HTT: variants seen among roughly 807,000 people sequenced by gnomAD.
HTT encodes huntingtin, also known as huntington disease protein.
A neutral mutation model predicts 362.3 loss-of-function variants in HTT; 104 were observed. The ratio of observed to expected loss-of-function variants is 0.29; its 90% CI spans 0.24 to 0.34. HTT has a LOEUF of 0.34. Ranked by LOEUF, HTT falls within the 10% of genes least tolerant of loss-of-function variation. HTT has a pLI of 1.00. For synonymous variants in HTT, 1,577 were observed against 1,548.7 expected (o/e 1.02, Z -0.43); for missense variants, 3,301 against 3,928.6 (o/e 0.84, Z 4.27).
Position 3,207,364 on chromosome 4 carries a change from C to G in HTT, c.6152+7C>G. 6.2e-7 allele frequency: 1 copy of G among 1,607,784 alleles called. No individual in the cohort carries two copies. Among genetic ancestry groups the G allele is most frequent in the Non-Finnish European group, 8.5e-7 (1 of 1,176,020 alleles). On this transcript the variant is annotated splice_region_variant and intron_variant, in intron 45 of 66. Transcript: ENST00000355072. ...GCAGCGGGCTCGCTCAGAGGTAATG[C>G]TGGAAACACAGGTCGTCCTTGTGTT...
At chr4:3,149,555 G>T (rs1395271468) in intron 26 of HTT, among the ~76,000 whole-genome samples, 1 of 151,528 alleles carries the variant, frequency 6.6e-6, no homozygotes, top group Non-Finnish European at 1.5e-5. Flanking sequence ...TGATCTATCC[G>T]CTTCGGCCTC....
In HTT at chr4:3,125,565, A is replaced by G; in HGVS notation, c.1338A>G (p.Gly446=). 1 of 1,613,394 alleles carries G rather than the reference A, an allele frequency of 6.2e-7. No individual in the cohort carries two copies. Among genetic ancestry groups the G allele is most frequent in the Non-Finnish European group, 8.5e-7 (1 of 1,179,342 alleles). ...SRKQKGKVLL[G]EEEALEDDSE... is the part of the protein sequence containing the mutation. ...ATTTACTAGGCAAAGTGCTCTTAGG[A>G]GAAGAAGAAGCCTTGGAGGATGACT... is the stretch of plus-strand genomic sequence containing the variant. Residue 446 remains glycine, a synonymous_variant, in exon 11 of 67, where the codon GGA becomes GGG. Transcript: ENST00000355072.
chr4:3,131,526 C>A, intron 15 of HTT, 112 bp from the exon 16 acceptor site: 1 of 1,525,818 alleles, frequency 6.6e-7, no homozygotes. Flanking sequence ...TTTTCACTAG[C>A]CGAGGGGAGG....
At chr4:3,142,361 A>G (rs1305954220) in intron 22 of HTT, among the ~76,000 whole-genome samples, 5 of 152,190 alleles carry the variant, frequency 3.3e-5, no homozygotes. Flanking sequence ...TAAAGGAATT[A>G]GAGTTTGTAT....
rs362272 is a variant in HTT at position 3,233,253 on chromosome 4, G to T, written c.8356G>T (p.Val2786Phe). 1.4e-5 allele frequency: 23 copies of T among 1,610,706 alleles called. No homozygotes were observed. The highest frequency in any genetic ancestry group is 2.0e-5 in the Non-Finnish European group (23 of 1,177,854). ...LPSRVGALHG[V>F]LYVLECDLLD... is the part of the protein sequence containing the mutation. ...CAGCAGGGTTGGAGCCCTGCACGGC[G>T]TCCTCTATGTGCTGGAGTGCGACCT... The change falls in exon 61 of 67, where the codon GTC becomes TTC. Residue 2786 changes from valine (V) to phenylalanine (F), a missense_variant. Physicochemically the swap from Val to Phe is conservative, Grantham distance 50. Transcript: ENST00000355072.
chr4:3,077,959 G>A (rs1712653946), intron 1 of HTT, among the ~76,000 whole-genome samples: 1 of 152,212 alleles, frequency 6.6e-6, no homozygotes, highest in Non-Finnish European at 1.5e-5. Context: ...ATTGATGAAA[G>A]CAATTTAGAA....
intron 2 of HTT, among the ~76,000 whole-genome samples, chr4:3,095,637 A>C (rs1393009053): frequency 6.6e-6 from 1 of 152,228 alleles, no homozygotes. Flanking sequence ...TTTAAGCCAC[A>C]TAGTTTGTGG....
chr4:3,159,180 C>A (rs887110951), intron 28 of HTT, among the ~76,000 whole-genome samples: 2 of 152,188 alleles, frequency 1.3e-5, no homozygotes, highest in Non-Finnish European at 2.9e-5. Flanking sequence ...CCTCTGATTC[C>A]TTTTGTCTTC....
chr4:3,226,155 C>T (rs562018902), intron 57 of HTT, among the ~76,000 whole-genome samples: 4 of 151,918 alleles, frequency 2.6e-5, no homozygotes, highest in East Asian at 3.9e-4. Context: ...CAGGCGTGGC[C>T]GTGAGTGTCC....
intron 1 of HTT, among the ~76,000 whole-genome samples, chr4:3,081,548 T>C (rs1712898766): frequency 6.8e-6 from 1 of 148,072 alleles, no homozygotes; most frequent in African/African-American, 2.6e-5. Flanking sequence ...TGGAAAGCAT[T>C]TCTTTTTTTT....
rs780960711 is a variant in HTT at position 3,217,809 on chromosome 4, G to A, written c.7099G>A (p.Val2367Met). The A allele has an allele frequency of 3.1e-6, 5 of 1,614,150 alleles. No homozygotes were observed. The highest frequency in any genetic ancestry group is 1.6e-4 in the Middle Eastern group (1 of 6,062). The change falls in exon 52 of 67, where the codon GTG becomes ATG. Residue 2367 changes from valine to methionine, a missense_variant. Around this residue, in one of 4 missense-constraint regions of HTT, gnomAD observed 753 missense variants for 1,021.3 expected, o/e 0.74. Transcript: ENST00000355072. The part of the protein sequence containing the change: ...TAACEMVAEM[V>M]ESLQSVLALG... The stretch of plus-strand genomic sequence containing the variant: ...AGCCTGTGAGATGGTGGCAGAAATG[G>A]TGGAGTCTCTGCAGTCGGTGTTGGC...
At chr4:3,145,634 A>G (rs1716562695) in intron 24 of HTT, among the ~76,000 whole-genome samples, 1 of 152,226 alleles carries the variant, frequency 6.6e-6, no homozygotes, top group African/African-American at 2.4e-5. Context: ...TTGTATTAAC[A>G]GCTTTTATTT....
chr4:3,102,906 G>C (rs1467444252), intron 3 of HTT, among the ~76,000 whole-genome samples: 1 of 152,190 alleles, frequency 6.6e-6, no homozygotes, highest in Non-Finnish European at 1.5e-5. Flanking sequence ...GGAGGGTTGA[G>C]AGATGTGCTG....
chr4:3,169,414 T>C (rs1372501656), intron 29 of HTT, among the ~76,000 whole-genome samples: 1 of 152,218 alleles, frequency 6.6e-6, no homozygotes, highest in Non-Finnish European at 1.5e-5. Flanking sequence ...TTGCTTAGTG[T>C]TGTCCCATAG....
At chr4:3,151,829 A>G (rs10011127) in intron 26 of HTT, among the ~76,000 whole-genome samples, 2,878 of 152,320 alleles carry the variant, frequency 0.019, 52 homozygotes, top group Middle Eastern at 0.037. Flanking sequence ...GTACATATGC[A>G]TACTTTATAT....
intron 2 of HTT, among the ~76,000 whole-genome samples, chr4:3,098,788 A>G (rs1713996874): frequency 1.3e-5 from 2 of 152,234 alleles, no homozygotes; most frequent in East Asian, 3.8e-4. Flanking sequence ...GGCAGGAGAG[A>G]TAGACTGCTG....
chr4:3,152,893 C>T (rs1314507832), intron 26 of HTT, among the ~76,000 whole-genome samples: 4 of 149,356 alleles, frequency 2.7e-5, no homozygotes, highest in African/African-American at 4.9e-5. Context: ...CTTCATGATC[C>T]GCCTGCCTCG....
chr4:3,141,372 G>C (rs903170267), intron 22 of HTT, among the ~76,000 whole-genome samples: 1 of 152,160 alleles, frequency 6.6e-6, no homozygotes, highest in South Asian at 2.1e-4. Context: ...ATGATCACTT[G>C]ATGCTTTTTT....
chr4:3,074,789 G>A lies in HTT; in HGVS notation c.-37G>A. On this transcript the variant is annotated 5_prime_UTR_variant, in exon 1 of 67. Transcript: ENST00000355072. ...TGAGCGGCGCCGCGAGTCGGCCCGA[G>A]GCCTCCGGGGACTGCCGTGCCGGGC... 1 of 1,506,726 alleles carries A rather than the reference G, an allele frequency of 6.6e-7. No individual in the cohort carries two copies. Among genetic ancestry groups the A allele is most frequent in the Non-Finnish European group, 8.8e-7 (1 of 1,133,784 alleles). The allele number at this position is 1,506,726 out of a possible 1,614,324, so 93.3% of individuals were successfully genotyped here.
Sources: allele counts gnomAD v4.1 joint callset (sites outside exome capture counted in the v4.1 genomes callset), GRCh38; gene constraint gnomAD v4.1.1; regional missense constraint gnomAD v4.1.1; transcripts MANE v1.5; gene names NCBI Gene and HGNC (gene_info 2026-07-23, HGNC 2026-07-21).